SLCO3A1: variants seen among roughly 807,000 people sequenced by gnomAD.
The protein encoded by SLCO3A1 is solute carrier organic anion transporter family member 3A1.
Under a neutral mutation model 63.1 loss-of-function variants are expected in SLCO3A1, and 27 were observed. That is an observed-to-expected ratio of 0.43 (90% CI 0.32 to 0.59). The LOEUF (loss-of-function observed/expected upper bound fraction) is 0.59. Ranked by LOEUF, SLCO3A1 falls within the 20% of genes least tolerant of loss-of-function variation. SLCO3A1 has a pLI of 0.09. For synonymous variants in SLCO3A1, 473 were observed against 409.9 expected (o/e 1.15, Z -1.86); for missense variants, 773 against 945.8 (o/e 0.82, Z 2.40).
At chr15:92,012,209 C>G (rs375442798) in intron 2 of SLCO3A1, among the ~76,000 whole-genome samples, 30 of 152,300 alleles carry the variant, frequency 2.0e-4, no homozygotes, top group African/African-American at 6.5e-4. Context: ...CTTACAAAGA[C>G]CATTGTATTT....
intron 1 of SLCO3A1, among the ~76,000 whole-genome samples, chr15:91,909,991 G>A (rs1265160193): frequency 6.6e-6 from 1 of 152,212 alleles, no homozygotes; most frequent in Admixed American, 6.5e-5. Flanking sequence ...CTGCAGAAGA[G>A]CGGCTCCTGC....
intron 7 of SLCO3A1, among the ~76,000 whole-genome samples, chr15:92,136,949 C>T (rs116637975): frequency 0.015 from 2,256 of 148,378 alleles, 75 homozygotes; most frequent in African/African-American, 0.053. Context: ...TATTCCATCG[C>T]GTGGACCAAG....
intron 2 of SLCO3A1, among the ~76,000 whole-genome samples, chr15:92,039,185 C>T (rs1364311926): frequency 2.6e-5 from 4 of 152,074 alleles, no homozygotes; most frequent in South Asian, 2.1e-4. Flanking sequence ...GACTTCATGA[C>T]AAAAATGCCA....
In SLCO3A1 at chr15:91,880,755, G is replaced by A. The variant is rs150844431; in HGVS notation, c.180+26667G>A. On this transcript the variant is annotated intron_variant, in intron 1 of 9. Transcript: ENST00000318445. Reference sequence around the variant, plus strand: ...GTGGAGGTACTCCTGTTAGTTAACCGTTCACCTCTTGATGGCATTTGGGTT... The same window carrying A: ...GTGGAGGTACTCCTGTTAGTTAACCATTCACCTCTTGATGGCATTTGGGTT... Among the ~76,000 whole-genome samples the A allele has an allele frequency of 5.9e-4, 89 of 151,998 alleles. 1 individual carries two copies. In the East Asian group the frequency reaches 0.017, roughly 29 times the overall value.
chr15:92,161,229 G>A (rs1027451318), intron 9 of SLCO3A1, among the ~76,000 whole-genome samples: 1 of 152,174 alleles, frequency 6.6e-6, no homozygotes, highest in Non-Finnish European at 1.5e-5. Flanking sequence ...ATTTGCATTA[G>A]TGACTCATCT....
intron 2 of SLCO3A1, among the ~76,000 whole-genome samples, chr15:91,965,377 A>G (rs1253718182): frequency 2.0e-5 from 3 of 152,128 alleles, no homozygotes; most frequent in Admixed American, 6.5e-5. Context: ...CCTGGATTCT[A>G]TGTGGTATTG....
Position 91,950,258 on chromosome 15 carries a change from G to A in SLCO3A1, c.646+33800G>A, listed in dbSNP as rs1305743931. On this transcript the variant is annotated intron_variant, in intron 2 of 9. Coordinates refer to ENST00000318445, the MANE Select transcript of SLCO3A1 (RefSeq NM_013272.4). The surrounding 1 kb of genome is among the most constrained non-coding windows in gnomAD (Gnocchi z 4.4). Reference sequence around the variant, plus strand: ...GCCTGCTGTGGCCAGAGATTCGGGTGTGTGTATTGTGGAGGGGATTGCAGG... The same window carrying A: ...GCCTGCTGTGGCCAGAGATTCGGGTATGTGTATTGTGGAGGGGATTGCAGG... Among the ~76,000 whole-genome samples the A allele has an allele frequency of 6.6e-6, 1 of 152,224 alleles. No homozygotes were observed. The highest frequency in any genetic ancestry group is 1.9e-4 in the East Asian group (1 of 5,194).
At chr15:91,914,728 C>T (rs927406950) in intron 1 of SLCO3A1, among the ~76,000 whole-genome samples, 5 of 152,022 alleles carry the variant, frequency 3.3e-5, no homozygotes, top group African/African-American at 9.7e-5. Flanking sequence ...TGCACCACCA[C>T]GCCTCGCTAA....
intron 2 of SLCO3A1, among the ~76,000 whole-genome samples, chr15:92,080,206 C>A (rs937911120): frequency 2.6e-5 from 4 of 152,156 alleles, no homozygotes; most frequent in African/African-American, 9.7e-5. Context: ...AAATTATTCT[C>A]CATGAGGCCA....
chr15:92,087,276 G>A (rs1165181810), intron 2 of SLCO3A1, among the ~76,000 whole-genome samples: 2 of 152,222 alleles, frequency 1.3e-5, no homozygotes, highest in East Asian at 1.9e-4. Context: ...GTCTGTAAGG[G>A]TGTGGATCTG....
chr15:92,056,400 A>G (rs1247353332), intron 2 of SLCO3A1, among the ~76,000 whole-genome samples: 1 of 152,158 alleles, frequency 6.6e-6, no homozygotes, highest in Non-Finnish European at 1.5e-5. Context: ...TCAGAACCTT[A>G]GTCTCTCTTG....
intron 9 of SLCO3A1, among the ~76,000 whole-genome samples, chr15:92,154,400 C>T (rs2048345806): frequency 6.6e-6 from 1 of 152,192 alleles, no homozygotes. Context: ...TGGAAATGTT[C>T]TCTGTCTGTA....
Position 91,900,929 on chromosome 15 carries a change from C to T in SLCO3A1, c.181-15064C>T, listed in dbSNP as rs1455391547. Among the ~76,000 whole-genome samples the T allele has an allele frequency of 6.6e-6, 1 of 152,068 alleles. No homozygotes were observed. Among genetic ancestry groups the T allele is most frequent in the African/African-American group, 2.4e-5 (1 of 41,412 alleles). Reference sequence around the variant, plus strand: ...TTATTGAGAGGGATATTAACTTCTCCAAATATTATTGTTGTATTGTTTATT... The same window carrying T: ...TTATTGAGAGGGATATTAACTTCTCTAAATATTATTGTTGTATTGTTTATT... On this transcript the variant is annotated intron_variant, in intron 1 of 9. Coordinates refer to ENST00000318445, the MANE Select transcript of SLCO3A1 (RefSeq NM_013272.4). The surrounding 1 kb of genome is among the most constrained non-coding windows in gnomAD (Gnocchi z 4.3).
At chr15:91,977,341 G>A (rs142566057) in intron 2 of SLCO3A1, among the ~76,000 whole-genome samples, 15 of 152,290 alleles carry the variant, frequency 9.8e-5, no homozygotes, top group Non-Finnish European at 1.8e-4. Flanking sequence ...TGAGAGAAGC[G>A]AAGGAGCTGT....
At chr15:91,932,873 G>A (rs958145035) in intron 2 of SLCO3A1, among the ~76,000 whole-genome samples, 1 of 152,200 alleles carries the variant, frequency 6.6e-6, no homozygotes, top group African/African-American at 2.4e-5. Flanking sequence ...TGGTGACAAT[G>A]ATGATGATGT....
intron 2 of SLCO3A1, among the ~76,000 whole-genome samples, chr15:91,923,293 A>C (rs940963272): frequency 2.0e-5 from 3 of 152,312 alleles, no homozygotes. Flanking sequence ...ACATGACTGA[A>C]CTGTTTAAAC....
At chr15:92,159,871 GA>G (rs1444261249) in intron 9 of SLCO3A1, among the ~76,000 whole-genome samples, 1 of 152,052 alleles carries the variant, frequency 6.6e-6, no homozygotes, top group Non-Finnish European at 1.5e-5. Flanking sequence ...ATTTTGGGGG[GA>G]TATTTTGGTT....
At chr15:92,166,643 G>T (rs2048495249), downstream of SLCO3A1, among the ~76,000 whole-genome samples, 1 of 152,182 alleles carries the variant, frequency 6.6e-6, no homozygotes, top group Non-Finnish European at 1.5e-5. Flanking sequence ...GCTGGTCCCT[G>T]GGATGGTAGT....
chr15:92,041,419 A>C lies in SLCO3A1; in HGVS notation c.647-53462A>C, dbSNP rs564062562. On this transcript the variant is annotated intron_variant, in intron 2 of 9. Coordinates refer to ENST00000318445, the MANE Select transcript of SLCO3A1 (RefSeq NM_013272.4). ...TCAGCACATGAATCACATGGTTGCC[A>C]AATGGACAGAACTTCTAAGAAATCA... Among the ~76,000 whole-genome samples, 13 of 152,346 alleles carry C rather than the reference A, an allele frequency of 8.5e-5. No individual in the cohort carries two copies. In the East Asian group the frequency reaches 2.3e-3, roughly 27 times the overall value.
Sources: allele counts gnomAD v4.1 joint callset (sites outside exome capture counted in the v4.1 genomes callset), GRCh38; gene constraint gnomAD v4.1.1; non-coding constraint Gnocchi (gnomAD v3.1); transcripts MANE v1.5; gene names NCBI Gene and HGNC (gene_info 2026-07-23, HGNC 2026-07-21).